The following MATCAP2 variants were observed in gnomAD, a reference collection of about 807,000 sequenced individuals.
MATCAP2 encodes the protein microtubule associated tyrosine carboxypeptidase 2, also known as putative tyrosine carboxypeptidase MATCAP2.
the MATCAP2 span, among the ~76,000 whole-genome samples, chr7:36,388,214 T>C: frequency 8.9e-4 from 135 of 151,966 alleles, no homozygotes; most frequent in Admixed American, 2.4e-3. Flanking sequence ...TCCTGTTAAA[T>C]AGTTTATGAT....
chr7:36,381,177 G>T, the MATCAP2 span, among the ~76,000 whole-genome samples: 2 of 152,160 alleles, frequency 1.3e-5, no homozygotes, highest in African/African-American at 4.8e-5. Context: ...GGACTTGCAG[G>T]TTTAGGAGGA....
the MATCAP2 span, among the ~76,000 whole-genome samples, chr7:36,330,634 C>T: frequency 6.6e-5 from 10 of 151,790 alleles, no homozygotes; most frequent in African/African-American, 7.3e-5. Context: ...AAAATCATGT[C>T]GTAATGTCAG....
At chr7:36,362,425 T>C in the MATCAP2 span, among the ~76,000 whole-genome samples, 1 of 152,188 alleles carries the variant, frequency 6.6e-6, no homozygotes, top group East Asian at 1.9e-4. Context: ...TGTTTTGGGG[T>C]CAGAAACTTG....
At chr7:36,374,388 G>A in the MATCAP2 span, among the ~76,000 whole-genome samples, 9 of 152,068 alleles carry the variant, frequency 5.9e-5, no homozygotes, top group African/African-American at 1.9e-4. Context: ...CCCACTGGAG[G>A]ATTTTAAATA....
chr7:36,373,910 G>A, the MATCAP2 span, among the ~76,000 whole-genome samples: 7 of 151,988 alleles, frequency 4.6e-5, no homozygotes, highest in South Asian at 2.1e-4. Flanking sequence ...TCAGCCTCCC[G>A]AGTAGCTGGG....
chr7:36,360,140 A>G, the MATCAP2 span, among the ~76,000 whole-genome samples: 1 of 152,200 alleles, frequency 6.6e-6, no homozygotes, highest in Non-Finnish European at 1.5e-5. Flanking sequence ...TATATGTTGT[A>G]CTGATTTTTT....
the MATCAP2 span, chr7:36,326,582 T>C: frequency 2.3e-6 from 1 of 443,686 alleles, no homozygotes; most frequent in Non-Finnish European, 3.9e-6. Context: ...TATAGAAACA[T>C]TTTAGGGAAA....
chr7:36,351,893 C>A, the MATCAP2 span, among the ~76,000 whole-genome samples: 84 of 145,808 alleles, frequency 5.8e-4, no homozygotes, highest in Non-Finnish European at 7.9e-4. Context: ...CTGCAGTGAG[C>A]CATGTTTGCA....
the MATCAP2 span, among the ~76,000 whole-genome samples, chr7:36,362,139 T>C: frequency 6.6e-6 from 1 of 152,368 alleles, no homozygotes; most frequent in Non-Finnish European, 1.5e-5. Flanking sequence ...AGTTACACTT[T>C]AATTTTTTTA....
the MATCAP2 span, among the ~76,000 whole-genome samples, chr7:36,362,282 G>T: frequency 2.0e-5 from 3 of 152,162 alleles, no homozygotes; most frequent in African/African-American, 4.8e-5. Flanking sequence ...GTATGAAAAT[G>T]AGACGAAAGG....
the MATCAP2 span, chr7:36,389,865 TC>T: frequency 4.6e-6 from 6 of 1,294,264 alleles, no homozygotes; most frequent in Non-Finnish European, 6.5e-6. Flanking sequence ...AGAGGCCGAG[TC>T]CGTCACTGGA....
At chr7:36,336,273 A>C in the MATCAP2 span, 4 of 1,531,134 alleles carry the variant, frequency 2.6e-6, no homozygotes, top group Non-Finnish European at 3.5e-6. Context: ...TATTTCTGTA[A>C]AGTCAGTTCC....
At chr7:36,331,006 G>C in the MATCAP2 span, 1 of 1,612,758 alleles carries the variant, frequency 6.2e-7, no homozygotes, top group Non-Finnish European at 8.5e-7. Context: ...TCAGCAGATG[G>C]AAGTCTATGG....
the MATCAP2 span, among the ~76,000 whole-genome samples, chr7:36,344,799 C>T: frequency 2.0e-5 from 3 of 152,162 alleles, no homozygotes; most frequent in African/African-American, 7.2e-5. Context: ...TTGAGGTTAA[C>T]TCATGGAACA....
At chr7:36,367,039 G>T in the MATCAP2 span, 3 of 1,276,864 alleles carry the variant, frequency 2.3e-6, no homozygotes, top group Non-Finnish European at 2.9e-6. Flanking sequence ...CCTCGGTGGC[G>T]GGGGCGCGGC....
chr7:36,334,324 T>C, the MATCAP2 span, among the ~76,000 whole-genome samples: 1 of 151,268 alleles, frequency 6.6e-6, no homozygotes, highest in African/African-American at 2.4e-5. Context: ...ATCACTTGAG[T>C]TCAGGAGTTG....
chr7:36,390,312 C>T, the MATCAP2 span: 3 of 532,516 alleles, frequency 5.6e-6, no homozygotes, highest in Non-Finnish European at 1.0e-5. Flanking sequence ...GGTCTTTCAG[C>T]CCCCGTTTTT....
At chr7:36,329,225 T>C in the MATCAP2 span, among the ~76,000 whole-genome samples, 2 of 152,298 alleles carry the variant, frequency 1.3e-5, no homozygotes, top group Admixed American at 6.5e-5. Flanking sequence ...TCTTGGTTTA[T>C]TATAGGAAAG....
At chr7:36,374,597 GT>G in the MATCAP2 span, among the ~76,000 whole-genome samples, 1 of 152,038 alleles carries the variant, frequency 6.6e-6, no homozygotes, top group Non-Finnish European at 1.5e-5. Flanking sequence ...ATGCAGGTTT[GT>G]TACATAGGTA....
Sources: gnomAD v4.1 joint callset for allele counts (sites outside exome capture counted in the v4.1 genomes callset) on GRCh38, gnomAD v4.1.1 for gene constraint, MANE v1.5 for transcripts, NCBI Gene and HGNC (gene_info 2026-07-23, HGNC 2026-07-21) for gene names.